RFC3: variants seen among roughly 807,000 people sequenced by gnomAD.
RFC3 encodes replication factor C subunit 3.
Under a neutral mutation model 45.1 loss-of-function variants are expected in RFC3, and 41 were observed. The ratio of observed to expected loss-of-function variants is 0.91; its 90% CI spans 0.71 to 1.18. The LOEUF (loss-of-function observed/expected upper bound fraction) is 1.18, where lower values mean the gene tolerates loss of function less well. RFC3 is among the 50% of genes most tolerant of loss of function. The pLI is 0.00. For missense variants in RFC3, 423 were observed against 428.1 expected (o/e 0.99, Z 0.10); for synonymous variants, 149 against 144.0 (o/e 1.03, Z -0.25).
the RFC3 span, among the ~76,000 whole-genome samples, chr13:33,973,241 G>A: frequency 1.8e-4 from 27 of 152,224 alleles, 1 homozygote; most frequent in African/African-American, 6.5e-4. Flanking sequence ...AGATCCCTAT[G>A]GAAAGATATC....
chr13:33,858,434 C>T (rs909829229), intron 8 of RFC3, among the ~76,000 whole-genome samples: 4 of 152,080 alleles, frequency 2.6e-5, no homozygotes, highest in African/African-American at 9.7e-5. Flanking sequence ...AGCAATTCTG[C>T]GGCTAGTCTG....
At position 33,882,396 on chromosome 13, in the gene RFC3, C is replaced by A. The variant is rs556682644; in HGVS notation, c.879+47179C>A. Reference sequence around the variant, plus strand: ...ACTGAATGTTTGTGTCCTCCCAAACCCACCAAATGCATCTGTTGAAGCCCT... The same window carrying A: ...ACTGAATGTTTGTGTCCTCCCAAACACACCAAATGCATCTGTTGAAGCCCT... On this transcript the variant is annotated intron_variant, in intron 8 of 8. Coordinates refer to the RFC3 transcript ENST00000434425. 5.9e-5 allele frequency among the ~76,000 whole-genome samples: 9 copies of A among 152,230 alleles called. No individual in the cohort carries two copies. The East Asian group carries it at 1.7e-3, about 29-fold the overall frequency.
intron 8 of RFC3, among the ~76,000 whole-genome samples, chr13:33,917,017 G>T (rs1269969287): frequency 1.3e-5 from 2 of 152,116 alleles, no homozygotes; most frequent in African/African-American, 4.8e-5. Context: ...AAATATTACT[G>T]TGCTAAATTT....
chr13:33,859,970 C>A (rs891918108), intron 8 of RFC3, among the ~76,000 whole-genome samples: 5 of 152,042 alleles, frequency 3.3e-5, no homozygotes, highest in Admixed American at 2.6e-4. Context: ...AAGGGTGTGG[C>A]CCTAATCTAA....
At chr13:33,905,507 C>A (rs1053548207) in intron 8 of RFC3, among the ~76,000 whole-genome samples, 2 of 151,744 alleles carry the variant, frequency 1.3e-5, no homozygotes, top group African/African-American at 4.8e-5. Context: ...AAATAAAAAT[C>A]TAAATGGCAA....
chr13:33,833,201 C>T (rs1395175269), intron 7 of RFC3, among the ~76,000 whole-genome samples: 2 of 152,114 alleles, frequency 1.3e-5, no homozygotes, highest in African/African-American at 2.4e-5. Context: ...ACTCCTTTGT[C>T]TTGCTGGAAT....
intron 8 of RFC3, among the ~76,000 whole-genome samples, chr13:33,854,604 A>G (rs1438711917): frequency 6.6e-6 from 1 of 152,140 alleles, no homozygotes; most frequent in Non-Finnish European, 1.5e-5. Context: ...ATAGCTACAG[A>G]TGGTGGAAAT....
At chr13:33,950,318 TTTTGG>T (rs1337329476) in intron 8 of RFC3, among the ~76,000 whole-genome samples, 1 of 152,218 alleles carries the variant, frequency 6.6e-6, no homozygotes, top group African/African-American at 2.4e-5. Context: ...GCTAGTACAA[TTTTGG>T]TGCCTCTGGC....
At chr13:33,960,354 C>T (rs1244682048) in intron 8 of RFC3, among the ~76,000 whole-genome samples, 1 of 152,184 alleles carries the variant, frequency 6.6e-6, no homozygotes, top group South Asian at 2.1e-4. Flanking sequence ...AGATCAGGGG[C>T]TCTGGTACCT....
At chr13:33,950,247 A>G (rs981078400) in intron 8 of RFC3, among the ~76,000 whole-genome samples, 4 of 152,158 alleles carry the variant, frequency 2.6e-5, no homozygotes, top group African/African-American at 9.7e-5. Context: ...GGATGTTCTT[A>G]AATAAAAGTG....
chr13:33,917,558 A>G (rs1290106113), intron 8 of RFC3, among the ~76,000 whole-genome samples: 2 of 152,132 alleles, frequency 1.3e-5, no homozygotes, highest in East Asian at 3.9e-4. Flanking sequence ...TGTAGGCCTC[A>G]TAAAGCCCTT....
intron 7 of RFC3, among the ~76,000 whole-genome samples, chr13:33,833,728 A>G (rs983692213): frequency 6.6e-6 from 1 of 152,150 alleles, no homozygotes; most frequent in African/African-American, 2.4e-5. Context: ...AATTATTTTT[A>G]TTATTCATGC....
chr13:33,858,838 G>T (rs2082323255), intron 8 of RFC3, among the ~76,000 whole-genome samples: 2 of 152,186 alleles, frequency 1.3e-5, no homozygotes, highest in African/African-American at 4.8e-5. Context: ...AAAGATTAGA[G>T]AAAGAATTTA....
Position 33,948,740 on chromosome 13 carries a change from T to C in RFC3, c.880-17347T>C, listed in dbSNP as rs1464897863. On this transcript the variant is annotated intron_variant, in intron 8 of 8. Coordinates refer to the RFC3 transcript ENST00000434425. ...AGACATGGAGTTAAAGGAAATCATT[T>C]TGAAACTTTAAGGTTTAATGACTAC... Among the ~76,000 whole-genome samples, 4 of 152,318 alleles carry C rather than the reference T, an allele frequency of 2.6e-5. No individual in the cohort carries two copies. In the East Asian group the frequency reaches 7.7e-4, roughly 29 times the overall value.
intron 8 of RFC3, among the ~76,000 whole-genome samples, chr13:33,964,702 G>T (rs1334572570): frequency 6.6e-6 from 1 of 152,144 alleles, no homozygotes; most frequent in Non-Finnish European, 1.5e-5. Context: ...ATGATGTTCT[G>T]GGTAAGGGCA....
intron 8 of RFC3, among the ~76,000 whole-genome samples, chr13:33,875,460 T>C (rs2082439919): frequency 1.3e-5 from 2 of 152,126 alleles, no homozygotes; most frequent in Admixed American, 6.5e-5. Context: ...GCAAACTTGG[T>C]CCTTTAAATA....
At chr13:33,957,613 T>C (rs1363285609) in intron 8 of RFC3, among the ~76,000 whole-genome samples, 4 of 152,188 alleles carry the variant, frequency 2.6e-5, no homozygotes, top group Non-Finnish European at 5.9e-5. Context: ...TGAATAGTTC[T>C]TTTGAAAGCC....
At chr13:33,829,298 T>G (rs2082079712) in intron 4 of RFC3, among the ~76,000 whole-genome samples, 1 of 152,226 alleles carries the variant, frequency 6.6e-6, no homozygotes. Context: ...CTTGCACCAC[T>G]GTCTTCCAAA....
At chr13:33,828,119 G>A (rs935320647) in intron 4 of RFC3, among the ~76,000 whole-genome samples, 2 of 152,088 alleles carry the variant, frequency 1.3e-5, no homozygotes, top group Admixed American at 6.5e-5. Context: ...CTGCACTCCC[G>A]CCTGGGTGAC....
Sources: gnomAD v4.1 joint callset for allele counts (sites outside exome capture counted in the v4.1 genomes callset) on GRCh38, gnomAD v4.1.1 for gene constraint, MANE v1.5 for transcripts, NCBI Gene and HGNC (gene_info 2026-07-23, HGNC 2026-07-21) for gene names.